Variants in SCD5 observed in about 807,000 individuals in gnomAD.
SCD5 encodes acyl-CoA-desaturase 4.
A neutral mutation model predicts 30.4 loss-of-function variants in SCD5; 20 were observed. The ratio of observed to expected loss-of-function variants is 0.66; its 90% CI spans 0.46 to 0.96. The LOEUF (loss-of-function observed/expected upper bound fraction) is 0.96, where lower values mean the gene tolerates loss of function less well. Among genes scored for constraint, SCD5 ranks in the 40% least tolerant of loss-of-function variants. The pLI, the probability that SCD5 is intolerant of heterozygous loss-of-function variation, is 0.00. For synonymous variants in SCD5, 173 were observed against 176.4 expected, an observed-to-expected ratio of 0.98 and a Z score of 0.16; for missense variants, 381 against 443.3, an observed-to-expected ratio of 0.86 and a Z score of 1.26.
At chr4:82,770,429 C>T (rs1170387363) in intron 1 of SCD5, among the ~76,000 whole-genome samples, 4 of 152,200 alleles carry the variant, frequency 2.6e-5, no homozygotes, top group East Asian at 1.9e-4. Flanking sequence ...GCTGATCATC[C>T]GCTTAACCAC....
intron 1 of SCD5, among the ~76,000 whole-genome samples, chr4:82,786,410 T>A (rs969273304): frequency 6.6e-6 from 1 of 152,220 alleles, no homozygotes; most frequent in African/African-American, 2.4e-5. Flanking sequence ...GGTAGTGATA[T>A]AGGAAGAAAA....
intron 1 of SCD5, among the ~76,000 whole-genome samples, chr4:82,749,663 C>T (rs891879554): frequency 1.3e-4 from 20 of 152,278 alleles, no homozygotes; most frequent in African/African-American, 4.1e-4. Context: ...GAAACCATAT[C>T]GTGAAACTAG....
Position 82,631,440 on chromosome 4 carries a change from T to C in SCD5, c.880A>G (p.Thr294Ala). ...CACATGAAATCAATGAACCAGGTGGTTGGGTTAAAATTTAAGCCAAATTCA... is the reference window on the plus strand; with the variant it reads ...CACATGAAATCAATGAACCAGGTGGCTGGGTTAAAATTTAAGCCAAATTCA... ...ASEFGLNFNP[T>A]TWFIDFMCWL... The change falls in exon 5 of 5, where the codon ACC (threonine) becomes GCC (alanine). Residue 294 changes from threonine (T) to alanine (A), a missense_variant. By Grantham distance (58) the Thr-to-Ala change is moderately conservative. Transcript: ENST00000319540. 2 of 1,614,086 alleles carry C rather than the reference T, an allele frequency of 1.2e-6. No individual in the cohort carries two copies. The highest frequency in any genetic ancestry group is 1.7e-5 in the Admixed American group (1 of 60,022).
At chr4:82,641,801 G>T (rs557619785) in intron 3 of SCD5, among the ~76,000 whole-genome samples, 2 of 152,194 alleles carry the variant, frequency 1.3e-5, no homozygotes, top group South Asian at 4.2e-4. Context: ...TCAGAATCTG[G>T]GTATATTTCT....
At chr4:82,753,473 T>C (rs1473941140) in intron 1 of SCD5, 5 of 487,478 alleles carry the variant, frequency 1.0e-5, no homozygotes, top group African/African-American at 5.9e-5. Context: ...GCGGGTGGAC[T>C]CTGACAGTGA....
intron 1 of SCD5, among the ~76,000 whole-genome samples, chr4:82,789,662 A>G (rs1350362796): frequency 6.6e-6 from 1 of 152,180 alleles, no homozygotes; most frequent in Admixed American, 6.6e-5. Context: ...GCCAGGACCC[A>G]CAGAGCCCTC....
At chr4:82,662,139 C>T (rs1004962392) in intron 3 of SCD5, among the ~76,000 whole-genome samples, 7 of 152,194 alleles carry the variant, frequency 4.6e-5, no homozygotes, top group Non-Finnish European at 8.8e-5. Context: ...TCACTGCAGC[C>T]TCAAACTCCT....
At chr4:82,768,992 T>G (rs1286414705) in intron 1 of SCD5, among the ~76,000 whole-genome samples, 1 of 152,004 alleles carries the variant, frequency 6.6e-6, no homozygotes, top group Non-Finnish European at 1.5e-5. Context: ...GAAAACCTTA[T>G]GTTTAACATA....
chr4:82,767,549 T>A (rs552288601), intron 1 of SCD5, among the ~76,000 whole-genome samples: 1 of 152,320 alleles, frequency 6.6e-6, no homozygotes, highest in South Asian at 2.1e-4. Context: ...ATCTTTCACA[T>A]ATTTTGTCTA....
At chr4:82,724,278 G>A (rs1720427402) in intron 1 of SCD5, among the ~76,000 whole-genome samples, 1 of 152,080 alleles carries the variant, frequency 6.6e-6, no homozygotes, top group Admixed American at 6.6e-5. Flanking sequence ...CCACACAAAC[G>A]TTAGAACCAG....
rs115211703 is a variant in SCD5, at chr4:82,643,605, T to C, written c.570-6782A>G. Among the ~76,000 whole-genome samples, 205 of 152,306 alleles carry C rather than the reference T, an allele frequency of 1.3e-3. 1 individual carries two copies. Among genetic ancestry groups the C allele is most frequent in the African/African-American group, 4.7e-3 (196 of 41,560 alleles). On this transcript the variant is annotated intron_variant, in intron 3 of 4. Transcript: ENST00000319540. The stretch of plus-strand genomic sequence containing the variant: ...TTATTTCATGAGAACAGAGTTTTTA[T>C]TGGGAATGATGACAAAGTTTTCTGT...
At chr4:82,636,446 ATC>A (rs2148811655) in intron 4 of SCD5, 143 bp downstream of exon 4, 1 of 596,798 alleles carries the variant, frequency 1.7e-6, no homozygotes, top group East Asian at 2.9e-5. Flanking sequence ...GTGAGACTCT[ATC>A]TCGGAAAAAA....
At chr4:82,673,105 GA>G (rs1054123482) in intron 3 of SCD5, among the ~76,000 whole-genome samples, 1 of 152,024 alleles carries the variant, frequency 6.6e-6, no homozygotes, top group African/African-American at 2.4e-5. Flanking sequence ...CTAAGATGAG[GA>G]AAAAGGCAAG....
intron 2 of SCD5, chr4:82,691,685 TG>T (rs1482769549): frequency 6.6e-6 from 1 of 151,532 alleles, no homozygotes; most frequent in Non-Finnish European, 1.5e-5. Flanking sequence ...ACCAGCCATG[TG>T]ATTAGAGAGG....
intron 1 of SCD5, among the ~76,000 whole-genome samples, chr4:82,777,132 C>A (rs1344752234): frequency 6.6e-6 from 1 of 152,186 alleles, no homozygotes; most frequent in African/African-American, 2.4e-5. Context: ...TCTCTCTGAG[C>A]ACCTTAATTA....
rs1578073603 is a variant in SCD5, at chr4:82,798,614, G to A, written c.-77C>T. 14 of 1,306,232 alleles carry A rather than the reference G, an allele frequency of 1.1e-5. No homozygotes were observed. The East Asian group carries it at 2.0e-4, about 19-fold the overall frequency. The allele number at this position is 1,306,232 out of a possible 1,614,324, so 80.9% of individuals were successfully genotyped here. The stretch of plus-strand genomic sequence containing the variant: ...CCGAGCGGAGCTCGAGGGTGGGGGC[G>A]GGGGCTTCTGCCTTTTAGGGGGGAA... On this transcript the variant is annotated 5_prime_UTR_variant, in exon 1 of 5. Transcript: ENST00000319540.
chr4:82,681,538 A>G (rs1270743776), intron 2 of SCD5, among the ~76,000 whole-genome samples: 1 of 152,218 alleles, frequency 6.6e-6, no homozygotes, highest in Non-Finnish European at 1.5e-5. Context: ...ATGCAGGAAC[A>G]GTAATCCGAA....
chr4:82,679,207 A>AG (rs1368631821), intron 3 of SCD5, among the ~76,000 whole-genome samples: 41 of 36,724 alleles, frequency 1.1e-3, no homozygotes, highest in African/African-American at 4.1e-3. Flanking sequence ...TCCAAAAAAA[A>AG]AAAAAAAGAA....
chr4:82,743,769 C>G (rs77472187), intron 1 of SCD5, among the ~76,000 whole-genome samples: 5 of 151,872 alleles, frequency 3.3e-5, no homozygotes, highest in Middle Eastern at 3.2e-3. Flanking sequence ...CAATCCCCCC[C>G]GCCTTGGTCT....
Sources: allele counts gnomAD v4.1 joint callset (sites outside exome capture counted in the v4.1 genomes callset), GRCh38; gene constraint gnomAD v4.1.1; transcripts MANE v1.5; gene names NCBI Gene and HGNC (gene_info 2026-07-23, HGNC 2026-07-21).